Variants in CFAP47 observed in about 807,000 individuals in gnomAD.
CFAP47 encodes the protein cilia and flagella associated protein 47.
CFAP47 carries 29 observed loss-of-function variants against 148.1 expected under a neutral mutation model. The ratio of observed to expected loss-of-function variants is 0.20; its 90% CI spans 0.15 to 0.27. The LOEUF is 0.27. CFAP47 is among the 10% of genes least tolerant of loss of function. CFAP47 has a pLI of 1.00. For synonymous variants in CFAP47, 664 were observed against 577.3 expected (o/e 1.15, Z -2.15); for missense variants, 1,872 against 1,697.5 (o/e 1.10, Z -1.81).
intron 26 of CFAP47, among the ~76,000 whole-genome samples, chrX:36,061,348 C>A (rs763219191): frequency 8.9e-6 from 1 of 111,920 alleles, no homozygotes; most frequent in South Asian, 3.7e-4. Context: ...CGAGAATGAA[C>A]TAATACACTT....
At chrX:35,953,116 C>A (rs755509219) in intron 6 of CFAP47, among the ~76,000 whole-genome samples, 2 of 112,130 alleles carry the variant, frequency 1.8e-5, no homozygotes, top group East Asian at 2.8e-4. Flanking sequence ...TAACTGTTAG[C>A]AATTCGTGTT....
intron 26 of CFAP47, among the ~76,000 whole-genome samples, chrX:36,060,907 A>C (rs1196266319): frequency 1.8e-5 from 2 of 111,746 alleles, no homozygotes; most frequent in Non-Finnish European, 3.8e-5. Flanking sequence ...AGTGACAATC[A>C]CATTATAATA....
intron 49 of CFAP47, among the ~76,000 whole-genome samples, chrX:36,277,118 T>C (rs1243762416): frequency 8.9e-6 from 1 of 112,135 alleles, no homozygotes; most frequent in African/African-American, 3.2e-5. Context: ...TTAATTTATT[T>C]TGCAACTATA....
chrX:36,216,097 TCAGA>T (rs1940156835), intron 45 of CFAP47, among the ~76,000 whole-genome samples: 1 of 111,659 alleles, frequency 9.0e-6, no homozygotes, highest in Non-Finnish European at 1.9e-5. Flanking sequence ...GGGCAGGCGG[TCAGA>T]CACTCAGCAG....
At chrX:36,371,829 CATGTGTGTAT>C (rs1248402589) in intron 62 of CFAP47, among the ~76,000 whole-genome samples, 7 of 62,500 alleles carry the variant, frequency 1.1e-4, no homozygotes, top group Admixed American at 3.2e-4. Context: ...CATATACACA[CATGTGTGTAT>C]ATGTGTGTAT....
At position 36,000,267 on chromosome X, in the gene CFAP47, A is replaced by AT. The variant is rs1936898803; in HGVS notation, c.3178-10dup. On this transcript the variant is annotated splice_polypyrimidine_tract_variant and intron_variant, in intron 19 of 63. Transcript: ENST00000378653. ...ACTATTCTATTTTCTAATTATTTTT[A>AT]TTTTTTAAATTTTAGGATGTATTTA... 1 of 288,334 alleles carries AT rather than the reference A, an allele frequency of 3.5e-6. No homozygotes were observed. The highest frequency in any genetic ancestry group is 2.1e-4 in the South Asian group (1 of 4,778). The allele number at this position is 288,334 out of a possible 1,213,427, so 23.8% of individuals were successfully genotyped here.
chrX:36,225,640 T>C (rs1195440174), intron 45 of CFAP47, among the ~76,000 whole-genome samples: 2 of 111,429 alleles, frequency 1.8e-5, no homozygotes, highest in Non-Finnish European at 3.8e-5. Flanking sequence ...CAAGGAACTA[T>C]GGATTGTGAA....
chrX:36,261,839 G>A (rs1294700193), intron 49 of CFAP47, among the ~76,000 whole-genome samples: 2 of 111,449 alleles, frequency 1.8e-5, no homozygotes, highest in African/African-American at 6.6e-5. Context: ...GAGCTGTTGG[G>A]TACACCTCCC....
intron 23 of CFAP47, among the ~76,000 whole-genome samples, chrX:36,034,314 C>A (rs1937314789): frequency 3.6e-5 from 4 of 110,770 alleles, no homozygotes; most frequent in Non-Finnish European, 7.6e-5. Flanking sequence ...TTTATCACAT[C>A]ATATAAAGGA....
At chrX:36,151,212 C>T (rs971424403) in intron 37 of CFAP47, among the ~76,000 whole-genome samples, 2 of 111,584 alleles carry the variant, frequency 1.8e-5, no homozygotes, top group Admixed American at 9.5e-5. Context: ...TAAATGTGCA[C>T]GGTAGAAAAT....
intron 57 of CFAP47, among the ~76,000 whole-genome samples, chrX:36,347,302 G>T (rs1941706229): frequency 8.9e-6 from 1 of 112,115 alleles, no homozygotes; most frequent in Admixed American, 9.4e-5. Flanking sequence ...TGGAGAGGTT[G>T]TGGAAAAATG....
intron 39 of CFAP47, among the ~76,000 whole-genome samples, chrX:36,172,275 T>C (rs1271678835): frequency 9.7e-6 from 1 of 102,607 alleles, no homozygotes; most frequent in African/African-American, 3.5e-5. Flanking sequence ...GTTTTCCTAA[T>C]TGAATACCCT....
chrX:36,060,663 A>G (rs1247161294), intron 26 of CFAP47, among the ~76,000 whole-genome samples: 1 of 112,107 alleles, frequency 8.9e-6, no homozygotes, highest in Admixed American at 9.5e-5. Context: ...TCAATGGAAG[A>G]CATTCATATG....
intron 39 of CFAP47, among the ~76,000 whole-genome samples, chrX:36,175,460 T>G (rs1165207100): frequency 8.9e-5 from 10 of 111,846 alleles, no homozygotes; most frequent in African/African-American, 3.3e-4. Context: ...ATGATGGTGA[T>G]GTACAGATTG....
At chrX:36,039,991 T>C (rs1937383870) in intron 25 of CFAP47, among the ~76,000 whole-genome samples, 1 of 111,738 alleles carries the variant, frequency 8.9e-6, no homozygotes. Flanking sequence ...TTGTTTATTG[T>C]AGAATGTTTA....
intron 51 of CFAP47, among the ~76,000 whole-genome samples, chrX:36,288,286 A>G (rs1242091818): frequency 8.9e-6 from 1 of 112,179 alleles, no homozygotes; most frequent in Non-Finnish European, 1.9e-5. Flanking sequence ...CTCTGTTAGT[A>G]TAAAGTATTT....
At chrX:36,178,396 G>C (rs1939711471) in intron 39 of CFAP47, among the ~76,000 whole-genome samples, 1 of 111,245 alleles carries the variant, frequency 9.0e-6, no homozygotes, top group Non-Finnish European at 1.9e-5. Flanking sequence ...GAAAAAAATA[G>C]AATAAGAAAA....
chrX:36,275,049 G>T (rs73460123), intron 49 of CFAP47, among the ~76,000 whole-genome samples: 4,603 of 111,107 alleles, frequency 0.041, 230 homozygotes, highest in African/African-American at 0.14. Flanking sequence ...TCATAAAAGG[G>T]TGTTGAATTC....
In CFAP47 at chrX:36,304,702, C is replaced by G. The variant is rs1278747738; in HGVS notation, c.8082+742C>G. On this transcript the variant is annotated intron_variant, in intron 54 of 63. Coordinates refer to ENST00000378653, the MANE Select transcript of CFAP47 (RefSeq NM_001304548.2). ...CCCCATTCCTCACCCCTGACACAGA[C>G]ACACACTTTGAGACAATGCTGACAA... 7.2e-5 allele frequency among the ~76,000 whole-genome samples: 8 copies of G among 111,213 alleles called. No homozygotes were observed. The Admixed American group carries it at 7.7e-4, about 11-fold the overall frequency.
Sources: allele counts gnomAD v4.1 joint callset (sites outside exome capture counted in the v4.1 genomes callset), GRCh38; gene constraint gnomAD v4.1.1; transcripts MANE v1.5; gene names NCBI Gene and HGNC (gene_info 2026-07-23, HGNC 2026-07-21).